Variants in PPM1A observed in about 807,000 individuals in gnomAD.
The protein encoded by PPM1A is protein phosphatase 1A.
Under a neutral mutation model 35.0 loss-of-function variants are expected in PPM1A, and 7 were observed. The ratio of observed to expected loss-of-function variants is 0.20; its 90% CI spans 0.11 to 0.38. The LOEUF (loss-of-function observed/expected upper bound fraction) is 0.38, where lower values mean the gene tolerates loss of function less well. Among genes scored for constraint, PPM1A ranks in the 10% least tolerant of loss-of-function variants. PPM1A has a pLI of 1.00. For synonymous variants in PPM1A, 153 were observed against 167.3 expected (o/e 0.91, Z 0.66); for missense variants, 239 against 467.8 (o/e 0.51, Z 4.51).
chr14:60,284,042 T>C (rs1353459263), intron 2 of PPM1A, among the ~76,000 whole-genome samples: 1 of 152,246 alleles, frequency 6.6e-6, no homozygotes, highest in Non-Finnish European at 1.5e-5. Context: ...AAGAACTTGC[T>C]CTGAGACTGT....
At chr14:60,287,840 TACTG>T in intron 3 of PPM1A, 1 of 984,502 alleles carries the variant, frequency 1.0e-6, no homozygotes, top group Non-Finnish European at 1.2e-6. Flanking sequence ...AAATCTTTGC[TACTG>T]ACTACCTTAG....
In PPM1A at chr14:60,269,328, A is replaced by C. The variant is rs1331933443; in HGVS notation, c.-20-13356A>C. Among the ~76,000 whole-genome samples, 3 of 152,196 alleles carry C rather than the reference A, an allele frequency of 2.0e-5. No homozygotes were observed. The East Asian group carries it at 5.8e-4, about 29-fold the overall frequency. On this transcript the variant is annotated intron_variant, in intron 1 of 5. Coordinates refer to ENST00000395076, the MANE Select transcript of PPM1A (RefSeq NM_021003.5). Reference sequence around the variant, plus strand: ...TAGTTTATTTTTTCAGAAATGAAACATGGATAACACTACTTTAGTGCTGGC... The same window carrying C: ...TAGTTTATTTTTTCAGAAATGAAACCTGGATAACACTACTTTAGTGCTGGC...
At chr14:60,288,011 C>T (rs1352687259) in intron 3 of PPM1A, 1 of 979,784 alleles carries the variant, frequency 1.0e-6, no homozygotes, top group Non-Finnish European at 1.2e-6. Context: ...TTTTACAATT[C>T]TAAGTAAAAC....
In PPM1A at chr14:60,296,071, A is replaced by T. The variant is rs1454978879; in HGVS notation, c.*3589A>T. On this transcript the variant is annotated 3_prime_UTR_variant, in exon 6 of 6. Transcript: ENST00000395076. The surrounding 1 kb of genome is among the most constrained non-coding windows in gnomAD (Gnocchi z 4.4). The stretch of plus-strand genomic sequence containing the variant: ...GTAGATTTCTGAAAATTATCCAGCC[A>T]TGGAAATGTAGGTGGGGTTTGAGTT... 6.6e-6 allele frequency: 1 copy of T among 151,722 alleles called. No homozygotes were observed. The highest frequency in any genetic ancestry group is 2.4e-5 in the African/African-American group (1 of 41,416). 9.4% of individuals were successfully genotyped at this position (151,722 alleles called of 1,614,324 possible).
At position 60,282,679 on chromosome 14, in the gene PPM1A, T is replaced by C; in HGVS notation, c.-20-5T>C. 1 of 1,608,992 alleles carries C rather than the reference T, an allele frequency of 6.2e-7. No individual in the cohort carries two copies. The highest frequency in any genetic ancestry group is 8.5e-7 in the Non-Finnish European group (1 of 1,176,650). ...ATTGACTTTCCTGTTTCTCTTCCTT[T>C]GCAGACCTAGAGGATCAAGACATAA... On this transcript the variant is annotated splice_polypyrimidine_tract_variant and splice_region_variant and intron_variant, in intron 1 of 5. Transcript: ENST00000395076. This position sits in a 1 kb window ranked among gnomAD's most constrained non-coding sequence, Gnocchi z 5.1.
rs1255225421 is a variant in PPM1A, at chr14:60,249,557, C to G, written c.-141C>G. ...GCCCCTTCCCCAGCCTGACCTGGCC[C>G]GCCGCTGCAGCGGTGACCCCTCCCC... On this transcript the variant is annotated 5_prime_UTR_variant, in exon 1 of 6. Transcript: ENST00000395076. This position sits in a 1 kb window ranked among gnomAD's most constrained non-coding sequence, Gnocchi z 4.5. The G allele has an allele frequency of 3.0e-6, 3 of 985,748 alleles. No homozygotes were observed. The highest frequency in any genetic ancestry group is 3.6e-6 in the Non-Finnish European group (3 of 830,046). The allele number at this position is 985,748 out of a possible 1,614,324, so 61.1% of individuals were successfully genotyped here.
chr14:60,262,298 G>A (rs139136195), intron 1 of PPM1A, among the ~76,000 whole-genome samples: 240 of 152,242 alleles, frequency 1.6e-3, no homozygotes, highest in African/African-American at 5.5e-3. Flanking sequence ...CTAATCTACA[G>A]GACTGAGCAT....
At chr14:60,248,843 G>C (rs1881968194), upstream of PPM1A, 1 of 152,434 alleles carries the variant, frequency 6.6e-6, no homozygotes, top group Non-Finnish European at 1.5e-5. Context: ...CGGCACGGAG[G>C]GGCTGTCGAT....
chr14:60,246,029 G>GA (rs747662835), upstream of PPM1A: 27 of 1,573,064 alleles, frequency 1.7e-5, no homozygotes, highest in Admixed American at 5.8e-5. Flanking sequence ...ATGTGTGAGA[G>GA]AAAAAAATAT....
In PPM1A at chr14:60,293,874, C is replaced by T. The variant is rs1239877384; in HGVS notation, c.*1392C>T. The T allele has an allele frequency of 6.6e-6, 1 of 151,886 alleles. No homozygotes were observed. Among genetic ancestry groups the T allele is most frequent in the Non-Finnish European group, 1.5e-5 (1 of 67,880 alleles). The allele number at this position is 151,886 out of a possible 1,614,324, so 9.4% of individuals were successfully genotyped here. A position where few individuals can be genotyped will look rare whatever the true frequency, so the allele number is the denominator to read the frequency against. ...ACCTAATTTAATTTAGGCTTAAATT[C>T]CTCTGATTAAGCATGTGAAAGTAAG... On this transcript the variant is annotated 3_prime_UTR_variant, in exon 6 of 6. Coordinates refer to ENST00000395076, the MANE Select transcript of PPM1A (RefSeq NM_021003.5). The surrounding 1 kb of genome is among the most constrained non-coding windows in gnomAD (Gnocchi z 4.0).
intron 1 of PPM1A, among the ~76,000 whole-genome samples, chr14:60,260,990 A>G (rs374898542): frequency 1.2e-4 from 18 of 152,218 alleles, no homozygotes; most frequent in Admixed American, 8.5e-4. Context: ...ATTAGCCCTT[A>G]CCTCTGGTGG....
intron 1 of PPM1A, among the ~76,000 whole-genome samples, chr14:60,252,369 A>C (rs1213043069): frequency 1.3e-5 from 2 of 152,240 alleles, no homozygotes; most frequent in African/African-American, 4.8e-5. Flanking sequence ...TTGCCTGGGC[A>C]CCTGACTCTG....
Position 60,249,578 on chromosome 14 carries a change from T to G in PPM1A, c.-120T>G. 4 of 984,668 alleles carry G rather than the reference T, an allele frequency of 4.1e-6. No homozygotes were observed. Among genetic ancestry groups the G allele is most frequent in the Non-Finnish European group, 4.8e-6 (4 of 830,394 alleles). 61.0% of individuals were successfully genotyped at this position (984,668 alleles called of 1,614,324 possible). A position where few individuals can be genotyped will look rare whatever the true frequency, so the allele number is the denominator to read the frequency against. ...GGCCCGCCGCTGCAGCGGTGACCCCTCCCCCGGCTGCCGCCGTCGCCGCCG... is the reference window on the plus strand; with the variant it reads ...GGCCCGCCGCTGCAGCGGTGACCCCGCCCCCGGCTGCCGCCGTCGCCGCCG... On this transcript the variant is annotated 5_prime_UTR_variant, in exon 1 of 6. Transcript: ENST00000395076. The surrounding 1 kb of genome is among the most constrained non-coding windows in gnomAD (Gnocchi z 4.5).
chr14:60,288,326 A>G (rs1887254906), intron 3 of PPM1A: 3 of 967,264 alleles, frequency 3.1e-6, no homozygotes, highest in South Asian at 9.5e-5. Flanking sequence ...TATTGATTCA[A>G]TTTATCATCA....
intron 1 of PPM1A, among the ~76,000 whole-genome samples, chr14:60,254,631 G>C (rs1267669531): frequency 6.6e-6 from 1 of 152,128 alleles, no homozygotes; most frequent in Non-Finnish European, 1.5e-5. Context: ...CTTTATATGT[G>C]AGTTCTAGGT....
intron 1 of PPM1A, among the ~76,000 whole-genome samples, chr14:60,259,524 T>A (rs947749975): frequency 6.6e-5 from 10 of 152,072 alleles, no homozygotes; most frequent in African/African-American, 1.9e-4. Context: ...CGGCGATTTA[T>A]AAGTAGCAAA....
chr14:60,287,630 G>A (rs1887157345), intron 3 of PPM1A: 1 of 984,636 alleles, frequency 1.0e-6, no homozygotes, highest in Non-Finnish European at 1.2e-6. Flanking sequence ...CATTTTATTT[G>A]CTTGGAACAT....
intron 3 of PPM1A, chr14:60,286,472 A>T: frequency 1.0e-6 from 1 of 985,416 alleles, no homozygotes; most frequent in South Asian, 4.7e-5. Flanking sequence ...AAAACTTGAC[A>T]TGACTTTAAT....
intron 1 of PPM1A, among the ~76,000 whole-genome samples, chr14:60,271,620 GT>G (rs1318868289): frequency 3.3e-5 from 5 of 152,190 alleles, no homozygotes; most frequent in Admixed American, 6.5e-5. Flanking sequence ...AATGCATGTT[GT>G]TCTAGGGAGA....
Sources: gnomAD v4.1 joint callset for allele counts (sites outside exome capture counted in the v4.1 genomes callset) on GRCh38, gnomAD v4.1.1 for gene constraint, Gnocchi (gnomAD v3.1) non-coding constraint, MANE v1.5 for transcripts, NCBI Gene and HGNC (gene_info 2026-07-23, HGNC 2026-07-21) for gene names.